Variants in CSNK2A2IP observed in about 807,000 individuals in gnomAD.
The protein encoded by CSNK2A2IP is casein kinase II subunit alpha'-interacting protein.
chr3:88,408,447 A>C, the CSNK2A2IP span, among the ~76,000 whole-genome samples: 6 of 152,110 alleles, frequency 3.9e-5, no homozygotes, highest in African/African-American at 7.3e-5. Context: ...GGGTGGAACC[A>C]AAAAGGAGAG....
chr3:88,341,840 G>A, the CSNK2A2IP span, among the ~76,000 whole-genome samples: 1 of 151,892 alleles, frequency 6.6e-6, no homozygotes, highest in Non-Finnish European at 1.5e-5. Context: ...GTATTTGAAT[G>A]TATACATTTT....
At chr3:88,375,235 GT>G in the CSNK2A2IP span, among the ~76,000 whole-genome samples, 1 of 151,664 alleles carries the variant, frequency 6.6e-6, no homozygotes, top group Admixed American at 6.6e-5. Context: ...TCAATAAAAA[GT>G]ATCTCAGTTT....
the CSNK2A2IP span, among the ~76,000 whole-genome samples, chr3:88,384,508 C>T: frequency 0.068 from 10,287 of 152,078 alleles, 1,011 homozygotes; most frequent in African/African-American, 0.21. Flanking sequence ...GAAGCTGGTG[C>T]GGCTGTTGTA....
chr3:88,385,538 A>G, the CSNK2A2IP span, among the ~76,000 whole-genome samples: 1 of 152,190 alleles, frequency 6.6e-6, no homozygotes, highest in Non-Finnish European at 1.5e-5. Context: ...TCTTTTCTAA[A>G]TGATTTGAAA....
the CSNK2A2IP span, among the ~76,000 whole-genome samples, chr3:88,360,214 C>A: frequency 6.6e-6 from 1 of 151,420 alleles, no homozygotes. Context: ...TGGCTCACCA[C>A]AACTCCGCCT....
the CSNK2A2IP span, among the ~76,000 whole-genome samples, chr3:88,350,972 A>G: frequency 2.0e-5 from 3 of 152,182 alleles, no homozygotes; most frequent in Non-Finnish European, 4.4e-5. Flanking sequence ...GTCAGGCAGA[A>G]GAGCAAGATA....
chr3:88,401,092 T>C, the CSNK2A2IP span, among the ~76,000 whole-genome samples: 2 of 152,170 alleles, frequency 1.3e-5, no homozygotes, highest in African/African-American at 4.8e-5. Context: ...TTATCATATG[T>C]TATTGAGCAG....
chr3:88,416,915 C>G, the CSNK2A2IP span, among the ~76,000 whole-genome samples: 2 of 151,846 alleles, frequency 1.3e-5, no homozygotes, highest in African/African-American at 2.4e-5. Context: ...AGCTCATATG[C>G]AATATTATGG....
the CSNK2A2IP span, among the ~76,000 whole-genome samples, chr3:88,446,039 TTTCTTTC>T: frequency 1.9e-4 from 3 of 15,498 alleles, no homozygotes; most frequent in African/African-American, 7.0e-4. Context: ...CTTTTCTTTC[TTTCTTTC>T]TTTCTTTCTT....
At chr3:88,434,294 AT>A in the CSNK2A2IP span, among the ~76,000 whole-genome samples, 2 of 151,944 alleles carry the variant, frequency 1.3e-5, no homozygotes, top group African/African-American at 2.4e-5. Context: ...GTGTATTAGT[AT>A]TTTTCAGTCT....
the CSNK2A2IP span, among the ~76,000 whole-genome samples, chr3:88,418,463 T>TGTCTGCGCGCGC: frequency 6.7e-6 from 1 of 149,536 alleles, no homozygotes; most frequent in East Asian, 2.0e-4. Context: ...TGTGTGTGTG[T>TGTCTGCGCGCGC]GCGCGCGGGC....
the CSNK2A2IP span, among the ~76,000 whole-genome samples, chr3:88,450,414 C>A: frequency 6.6e-6 from 1 of 151,996 alleles, no homozygotes; most frequent in Non-Finnish European, 1.5e-5. Flanking sequence ...CTTGCTAATC[C>A]AACATACTTA....
chr3:88,425,128 T>G, the CSNK2A2IP span, among the ~76,000 whole-genome samples: 1 of 152,058 alleles, frequency 6.6e-6, no homozygotes, highest in Non-Finnish European at 1.5e-5. Flanking sequence ...ATTATGTAAT[T>G]AATTCAGAAA....
the CSNK2A2IP span, among the ~76,000 whole-genome samples, chr3:88,412,911 TA>T: frequency 6.6e-6 from 1 of 152,194 alleles, no homozygotes; most frequent in South Asian, 2.1e-4. Context: ...CATTGTTGCC[TA>T]AAATGTTATG....
the CSNK2A2IP span, among the ~76,000 whole-genome samples, chr3:88,438,325 C>T: frequency 6.6e-6 from 1 of 152,062 alleles, no homozygotes; most frequent in Middle Eastern, 3.2e-3. Context: ...GCTGGAAGGG[C>T]CTTAGAAGCA....
the CSNK2A2IP span, among the ~76,000 whole-genome samples, chr3:88,349,601 G>C: frequency 6.6e-6 from 1 of 152,066 alleles, no homozygotes; most frequent in African/African-American, 2.4e-5. Context: ...AAACATGTGT[G>C]TGCATGTATC....
At chr3:88,342,190 T>A in the CSNK2A2IP span, among the ~76,000 whole-genome samples, 1 of 152,016 alleles carries the variant, frequency 6.6e-6, no homozygotes. Context: ...TATTAAGAAA[T>A]GCTTCAGAAT....
At chr3:88,383,487 T>C in the CSNK2A2IP span, among the ~76,000 whole-genome samples, 1 of 152,118 alleles carries the variant, frequency 6.6e-6, no homozygotes, top group Admixed American at 6.5e-5. Flanking sequence ...CAAGTCTTCA[T>C]TATTTTTAGC....
At chr3:88,338,559 C>G in the CSNK2A2IP span, 1 of 152,128 alleles carries the variant, frequency 6.6e-6, no homozygotes, top group Non-Finnish European at 1.5e-5. Flanking sequence ...ACATTTGTTT[C>G]CTCACCAGTG....
Sources: gnomAD v4.1 joint callset for allele counts (sites outside exome capture counted in the v4.1 genomes callset) on GRCh38, gnomAD v4.1.1 for gene constraint, MANE v1.5 for transcripts, NCBI Gene and HGNC (gene_info 2026-07-23, HGNC 2026-07-21) for gene names.